Variants in MED27 observed in about 807,000 individuals in gnomAD.
The protein encoded by MED27 is mediator complex subunit 27.
In MED27, 30 loss-of-function variants were observed where a neutral mutation model predicts 38.2. The observed-to-expected ratio is 0.79, with a 90% CI of 0.59 to 1.07. The LOEUF (loss-of-function observed/expected upper bound fraction) is 1.07, where lower values mean the gene tolerates loss of function less well. MED27 is among the 50% of genes least tolerant of loss of function. The pLI, the probability that MED27 is intolerant of heterozygous loss-of-function variation, is 0.00. For synonymous variants in MED27, 122 were observed against 153.5 expected (o/e 0.79, Z 1.52); for missense variants, 289 against 397.5 (o/e 0.73, Z 2.32).
At chr9:132,025,417 G>A (rs1362569424) in intron 2 of MED27, among the ~76,000 whole-genome samples, 1 of 152,154 alleles carries the variant, frequency 6.6e-6, no homozygotes, top group Non-Finnish European at 1.5e-5. Flanking sequence ...CCCAACCTCA[G>A]GTGATCTGCC....
chr9:131,886,235 G>GA (rs1399397775), intron 5 of MED27, among the ~76,000 whole-genome samples: 1 of 152,194 alleles, frequency 6.6e-6, no homozygotes, highest in Non-Finnish European at 1.5e-5. Flanking sequence ...TTAGTTTCAT[G>GA]AAAATTTCAC....
At chr9:131,964,921 A>G (rs1316944474) in intron 3 of MED27, among the ~76,000 whole-genome samples, 1 of 152,154 alleles carries the variant, frequency 6.6e-6, no homozygotes, top group East Asian at 1.9e-4. Context: ...AACTCATTGT[A>G]TTTACATGCC....
intron 2 of MED27, among the ~76,000 whole-genome samples, chr9:132,017,210 A>G (rs559402385): frequency 6.6e-6 from 1 of 152,198 alleles, no homozygotes; most frequent in Non-Finnish European, 1.5e-5. Flanking sequence ...ATTATACATT[A>G]TTTAAGCACC....
chr9:131,873,501 G>A (rs1347916400), intron 6 of MED27, among the ~76,000 whole-genome samples: 3 of 152,138 alleles, frequency 2.0e-5, no homozygotes, highest in Non-Finnish European at 2.9e-5. Flanking sequence ...TCTGTACCTC[G>A]GATTTGTATG....
intron 2 of MED27, among the ~76,000 whole-genome samples, chr9:132,017,240 C>T (rs970382018): frequency 4.6e-5 from 7 of 152,174 alleles, no homozygotes; most frequent in Admixed American, 1.3e-4. Context: ...TTCCATGCAA[C>T]ACAGTTTAGA....
chr9:132,010,710 T>G (rs1418366251), intron 3 of MED27, among the ~76,000 whole-genome samples: 3 of 152,126 alleles, frequency 2.0e-5, no homozygotes, highest in Admixed American at 6.5e-5. Flanking sequence ...CCATAAAAAA[T>G]GATGAGTTCA....
At chr9:131,927,918 T>C (rs1385490139) in intron 4 of MED27, among the ~76,000 whole-genome samples, 2 of 152,326 alleles carry the variant, frequency 1.3e-5, no homozygotes, top group East Asian at 3.9e-4. Flanking sequence ...TGGCAGGGAC[T>C]GCTTGGTGAA....
chr9:132,073,416 A>C, intron 2 of MED27: 2 of 1,073,936 alleles, frequency 1.9e-6, no homozygotes, highest in Non-Finnish European at 2.3e-6. Flanking sequence ...ACAGTGTACC[A>C]GGCGCCTTGC....
chr9:131,961,619 CTG>C lies in MED27; in HGVS notation c.480-22147_480-22146del, dbSNP rs201231062. On this transcript the variant is annotated intron_variant, in intron 3 of 7. Coordinates refer to ENST00000292035, the MANE Select transcript of MED27 (RefSeq NM_004269.4). ...GTAAATAATGGCTGACCATTGGCCT[CTG>C]TGTTTCAAGGCCTGATGAAGGCAGC... Among the ~76,000 whole-genome samples, 648 of 152,326 alleles carry C rather than the reference CTG, an allele frequency of 4.3e-3. 8 individuals carry two copies. The highest frequency in any genetic ancestry group is 0.03 in the East Asian group (157 of 5,188).
chr9:132,053,765 C>G (rs1833515242), intron 2 of MED27, among the ~76,000 whole-genome samples: 2 of 152,182 alleles, frequency 1.3e-5, no homozygotes, highest in African/African-American at 2.4e-5. Flanking sequence ...AACAGTCGAG[C>G]CTCTTCACCA....
At chr9:132,024,338 T>C (rs764947215) in intron 2 of MED27, among the ~76,000 whole-genome samples, 10 of 152,156 alleles carry the variant, frequency 6.6e-5, no homozygotes, top group Non-Finnish European at 1.2e-4. Context: ...TGAAGAATGG[T>C]TGTTGTTGGA....
In MED27 at chr9:131,966,076, AT is replaced by A. The variant is rs544346825; in HGVS notation, c.480-26603del. Reference sequence around the variant, plus strand: ...TCTGACGCCTAAGAATAAAGACTGCATTTTGGCCAGGGGTGGTGGCTCACAC... The same window carrying A: ...TCTGACGCCTAAGAATAAAGACTGCATTTGGCCAGGGGTGGTGGCTCACAC... On this transcript the variant is annotated intron_variant, in intron 3 of 7. Transcript: ENST00000292035. Among the ~76,000 whole-genome samples the A allele has an allele frequency of 4.9e-4, 73 of 148,746 alleles. 3 individuals are homozygous for A. The South Asian group carries it at 0.015, about 32-fold the overall frequency.
intron 6 of MED27, among the ~76,000 whole-genome samples, chr9:131,876,172 A>G (rs552594624): frequency 1.7e-4 from 26 of 152,334 alleles, no homozygotes; most frequent in African/African-American, 4.3e-4. Context: ...GGGAATGGGA[A>G]GGTGGGCAGT....
chr9:132,028,504 T>C (rs1394051793), intron 2 of MED27, among the ~76,000 whole-genome samples: 2 of 144,482 alleles, frequency 1.4e-5, no homozygotes, highest in Non-Finnish European at 3.1e-5. Flanking sequence ...AATGAACAAA[T>C]AAATTAAAAA....
chr9:131,980,426 T>C (rs528322775), intron 3 of MED27, among the ~76,000 whole-genome samples: 2 of 152,180 alleles, frequency 1.3e-5, no homozygotes, highest in Non-Finnish European at 2.9e-5. Context: ...GAGATTCTAG[T>C]ATTCGCGAGA....
chr9:131,863,955 C>G (rs1272012418), intron 6 of MED27, among the ~76,000 whole-genome samples: 1 of 152,192 alleles, frequency 6.6e-6, no homozygotes, highest in East Asian at 1.9e-4. Context: ...GCACCACCCC[C>G]TGACCTGGAT....
chr9:131,906,541 A>G (rs543663944), intron 4 of MED27, among the ~76,000 whole-genome samples: 36 of 152,292 alleles, frequency 2.4e-4, no homozygotes, highest in African/African-American at 8.7e-4. Flanking sequence ...GTGAAATGGA[A>G]AGCTACTGTA....
chr9:131,930,689 G>A (rs1254360371), intron 4 of MED27, among the ~76,000 whole-genome samples: 19 of 152,152 alleles, frequency 1.2e-4, no homozygotes, highest in Admixed American at 1.2e-3. Context: ...AAATTTGCTG[G>A]TAATAGTGAG....
intron 4 of MED27, among the ~76,000 whole-genome samples, chr9:131,931,348 C>T (rs562876331): frequency 3.7e-4 from 56 of 152,056 alleles, no homozygotes; most frequent in African/African-American, 1.2e-3. Context: ...AGAAAATATA[C>T]AATGGACACA....
Sources: gnomAD v4.1 joint callset for allele counts (sites outside exome capture counted in the v4.1 genomes callset) on GRCh38, gnomAD v4.1.1 for gene constraint, MANE v1.5 for transcripts, NCBI Gene and HGNC (gene_info 2026-07-23, HGNC 2026-07-21) for gene names.